METTL25: variants seen among roughly 807,000 people sequenced by gnomAD.
METTL25 encodes probable methyltransferase-like protein 25.
Under a neutral mutation model 71.6 loss-of-function variants are expected in METTL25, and 64 were observed. The observed-to-expected ratio is 0.89, with a 90% CI of 0.73 to 1.10. The LOEUF is 1.10. Among genes scored for constraint, METTL25 ranks in the 50% least tolerant of loss-of-function variants. The probability of loss-of-function intolerance (pLI) is 0.00; values close to 1 mark genes in which losing one functional copy is unlikely to be tolerated. For synonymous variants in METTL25, 287 were observed against 250.3 expected, an observed-to-expected ratio of 1.15 and a Z score of -1.38; for missense variants, 807 against 707.0, an observed-to-expected ratio of 1.14 and a Z score of -1.60.
At chr12:82,465,368 GT>G (rs1892160557) in intron 9 of METTL25, among the ~76,000 whole-genome samples, 1 of 151,884 alleles carries the variant, frequency 6.6e-6, no homozygotes, top group Non-Finnish European at 1.5e-5. Flanking sequence ...TAATATTATA[GT>G]TTTTGTCCTT....
intron 8 of METTL25, chr12:82,439,775 C>T (rs562879959): frequency 1.7e-6 from 1 of 581,676 alleles, no homozygotes; most frequent in Admixed American, 6.4e-5. Context: ...AGATGCTAAC[C>T]TTGTTGAAAA....
At chr12:82,463,766 A>G (rs1043637746) in intron 9 of METTL25, among the ~76,000 whole-genome samples, 2 of 151,808 alleles carry the variant, frequency 1.3e-5, no homozygotes, top group Non-Finnish European at 2.9e-5. Context: ...ATCTTTTTTC[A>G]TAGTAGCCAT....
intron 1 of METTL25, among the ~76,000 whole-genome samples, chr12:82,370,132 G>T (rs1243821020): frequency 6.6e-6 from 1 of 152,188 alleles, no homozygotes; most frequent in East Asian, 1.9e-4. Flanking sequence ...TAGGGGTGAA[G>T]AAGGAGCCCT....
chr12:82,461,240 A>G (rs530765478), intron 9 of METTL25, among the ~76,000 whole-genome samples: 6 of 152,366 alleles, frequency 3.9e-5, no homozygotes, highest in East Asian at 1.9e-4. Context: ...CAAAATTTCT[A>G]TAATACAAAA....
chr12:82,401,898 A>G (rs947204572), intron 4 of METTL25, among the ~76,000 whole-genome samples: 4 of 152,024 alleles, frequency 2.6e-5, no homozygotes, highest in African/African-American at 9.7e-5. Context: ...TTAGTTCCAA[A>G]TGGTAAAAGT....
chr12:82,384,930 C>G (rs1884825799), intron 1 of METTL25, among the ~76,000 whole-genome samples: 1 of 151,964 alleles, frequency 6.6e-6, no homozygotes, highest in Non-Finnish European at 1.5e-5. Context: ...GTTGAGACTC[C>G]CCTTAAACCT....
chr12:82,443,669 T>C (rs1890527385), intron 8 of METTL25, among the ~76,000 whole-genome samples: 1 of 152,170 alleles, frequency 6.6e-6, no homozygotes, highest in East Asian at 1.9e-4. Context: ...CCTTGGCTTA[T>C]GGAGAGGGCC....
chr12:82,391,735 T>G (rs1885607144), intron 3 of METTL25, among the ~76,000 whole-genome samples: 1 of 151,582 alleles, frequency 6.6e-6, no homozygotes, highest in African/African-American at 2.4e-5. Context: ...TTTTTTTTTT[T>G]TTTTTGGATA....
intron 8 of METTL25, among the ~76,000 whole-genome samples, chr12:82,442,961 A>G (rs547355009): frequency 6.6e-6 from 1 of 152,070 alleles, no homozygotes; most frequent in South Asian, 2.1e-4. Flanking sequence ...AGAAATAATT[A>G]ATGAACTGAA....
At chr12:82,471,841 A>G (rs1033465516) in intron 9 of METTL25, among the ~76,000 whole-genome samples, 13 of 152,320 alleles carry the variant, frequency 8.5e-5, no homozygotes, top group Middle Eastern at 3.4e-3. Flanking sequence ...TGTTATATTC[A>G]TAAGTCTCTT....
At position 82,475,316 on chromosome 12, in the gene METTL25, C is replaced by G. The variant is rs1892822178; in HGVS notation, c.1573-1328C>G. ...ATATATTCTTCTACAAAAGTTTGCTCCAGCAGGGACTCATTTGATTCAAAA... is the reference window on the plus strand; with the variant it reads ...ATATATTCTTCTACAAAAGTTTGCTGCAGCAGGGACTCATTTGATTCAAAA... On this transcript the variant is annotated intron_variant, in intron 9 of 11. Coordinates refer to ENST00000248306, the MANE Select transcript of METTL25 (RefSeq NM_032230.3). Among the ~76,000 whole-genome samples, 5 of 151,988 alleles carry G rather than the reference C, an allele frequency of 3.3e-5. No individual in the cohort carries two copies. The South Asian group carries it at 1.0e-3, about 32-fold the overall frequency.
chr12:82,432,514 T>G (rs1889591692), intron 6 of METTL25, among the ~76,000 whole-genome samples: 1 of 151,660 alleles, frequency 6.6e-6, no homozygotes, highest in African/African-American at 2.4e-5. Flanking sequence ...AAAAGAACTA[T>G]GTAATATCCC....
intron 5 of METTL25, among the ~76,000 whole-genome samples, chr12:82,416,459 T>TA (rs1469835655): frequency 6.6e-6 from 1 of 150,966 alleles, no homozygotes; most frequent in Non-Finnish European, 1.5e-5. Context: ...TTTTTTTTTT[T>TA]TTGAGACAGG....
intron 9 of METTL25, among the ~76,000 whole-genome samples, chr12:82,470,082 A>G (rs1892481442): frequency 6.6e-6 from 1 of 152,186 alleles, no homozygotes; most frequent in East Asian, 1.9e-4. Context: ...ATCACTGACA[A>G]TGTAGGAAAT....
At chr12:82,428,160 C>A (rs547251382) in intron 5 of METTL25, among the ~76,000 whole-genome samples, 1 of 151,866 alleles carries the variant, frequency 6.6e-6, no homozygotes. Flanking sequence ...CTTTTAAGTA[C>A]GTGACCTGGA....
intron 3 of METTL25, among the ~76,000 whole-genome samples, chr12:82,393,950 A>G (rs532022106): frequency 6.6e-6 from 1 of 151,796 alleles, no homozygotes; most frequent in South Asian, 2.1e-4. Flanking sequence ...TTCCATTTTT[A>G]TTACTTTCAA....
chr12:82,448,970 G>A (rs1489868810), intron 8 of METTL25, among the ~76,000 whole-genome samples: 5 of 152,058 alleles, frequency 3.3e-5, no homozygotes, highest in African/African-American at 9.7e-5. Context: ...CATTTATTTA[G>A]TATACCTCTG....
chr12:82,393,707 T>C (rs1223995255), intron 3 of METTL25, among the ~76,000 whole-genome samples: 1 of 152,022 alleles, frequency 6.6e-6, no homozygotes, highest in African/African-American at 2.4e-5. Context: ...CAGATCTTAG[T>C]GGAAAGGCTT....
Position 82,398,954 on chromosome 12 carries a change from T to G in METTL25, c.691T>G (p.Ser231Ala). The G allele has an allele frequency of 6.2e-7, 1 of 1,611,536 alleles. No individual in the cohort carries two copies. The highest frequency in any genetic ancestry group is 1.1e-5 in the South Asian group (1 of 90,728). ...ACATTGGAAACTCTGTCATGCTCAGTCAAGATTAGATGTCAATGGACTAGC... is the reference window on the plus strand; with the variant it reads ...ACATTGGAAACTCTGTCATGCTCAGGCAAGATTAGATGTCAATGGACTAGC... ...KKHWKLCHAQ[S>A]RLDVNGLALK... is the part of the protein sequence containing the mutation. The change falls in exon 4 of 12, where the codon TCA becomes GCA. Residue 231 changes from serine (S) to alanine (A), a missense_variant. Ser to Ala is a moderately conservative substitution (Grantham distance 99, BLOSUM62 1). Coordinates refer to ENST00000248306, the MANE Select transcript of METTL25 (RefSeq NM_032230.3).
Sources: gnomAD v4.1 joint callset for allele counts (sites outside exome capture counted in the v4.1 genomes callset) on GRCh38, gnomAD v4.1.1 for gene constraint, MANE v1.5 for transcripts, NCBI Gene and HGNC (gene_info 2026-07-23, HGNC 2026-07-21) for gene names.